NCOR2: variants seen among roughly 807,000 people sequenced by gnomAD.
The protein encoded by NCOR2 is nuclear receptor corepressor 2, also known as CTG repeat protein 26.
A neutral mutation model predicts 262.9 loss-of-function variants in NCOR2; 81 were observed. The observed-to-expected ratio is 0.31, with a 90% confidence interval of 0.26 to 0.37. NCOR2 has a LOEUF of 0.37. NCOR2 is among the 10% of genes least tolerant of loss of function. NCOR2 has a pLI of 1.00. For synonymous variants in NCOR2, 1,659 were observed against 1,559.3 expected, an observed-to-expected ratio of 1.06 and a Z score of -1.51; for missense variants, 3,385 against 3,621.4, an observed-to-expected ratio of 0.93 and a Z score of 1.68.
At position 124,432,225 on chromosome 12, in the gene NCOR2, G is replaced by GAC. The variant is rs966930492; in HGVS notation, c.883-1440_883-1439dup. Among the ~76,000 whole-genome samples the GAC allele has an allele frequency of 6.6e-6, 1 of 151,870 alleles. No homozygotes were observed. The highest frequency in any genetic ancestry group is 1.5e-5 in the Non-Finnish European group (1 of 67,970). On this transcript the variant is annotated intron_variant, in intron 8 of 46. Transcript: ENST00000405201. This position sits in a 1 kb window ranked among gnomAD's most constrained non-coding sequence, Gnocchi z 5.1. ...GAGTCACACATGTAGACACACAACA[G>GAC]ACACACACACATCACACAGGCAGAC...
chr12:124,432,614 C>T lies in NCOR2; in HGVS notation c.883-1827G>A, dbSNP rs1463101183. Among the ~76,000 whole-genome samples the T allele has an allele frequency of 2.6e-5, 4 of 152,164 alleles. No homozygotes were observed. On this transcript the variant is annotated intron_variant, in intron 8 of 46. Transcript: ENST00000405201. This position sits in a 1 kb window ranked among gnomAD's most constrained non-coding sequence, Gnocchi z 5.1. ...CGGGCCCGTCAGCCCTGGGGAGGGG[C>T]AGCCGCCAGAGAAAACCACATTCCA...
intron 16 of NCOR2, among the ~76,000 whole-genome samples, chr12:124,390,057 G>T (rs2041179947): frequency 6.6e-6 from 1 of 152,140 alleles, no homozygotes; most frequent in Admixed American, 6.5e-5. Flanking sequence ...GAATGTCCCT[G>T]CACCCCCAGC....
chr12:124,365,541 G>A (rs1282631763), intron 20 of NCOR2, among the ~76,000 whole-genome samples: 1 of 152,208 alleles, frequency 6.6e-6, no homozygotes, highest in African/African-American at 2.4e-5. Flanking sequence ...TGACCGGCCT[G>A]TTCTGCAGGT....
intron 1 of NCOR2, among the ~76,000 whole-genome samples, chr12:124,554,577 G>A (rs1422178061): frequency 2.0e-5 from 3 of 152,238 alleles, no homozygotes; most frequent in African/African-American, 7.2e-5. Flanking sequence ...ACAGCACCGC[G>A]AGCACAGAGG....
At chr12:124,564,348 G>A (rs1399198302) in intron 1 of NCOR2, among the ~76,000 whole-genome samples, 1 of 152,146 alleles carries the variant, frequency 6.6e-6, no homozygotes, top group Non-Finnish European at 1.5e-5. Flanking sequence ...CAAGCTTGGG[G>A]CCCTCCTTGC....
chr12:124,418,859 G>A (rs1402213840), intron 13 of NCOR2, among the ~76,000 whole-genome samples: 2 of 152,212 alleles, frequency 1.3e-5, no homozygotes, highest in Non-Finnish European at 2.9e-5. Context: ...GGGATGCCAG[G>A]CACGTAGTGC....
At chr12:124,350,604 T>G (rs1260699909) in exon 28 of NCOR2, 2 of 1,613,820 alleles carry the variant, frequency 1.2e-6, no homozygotes, top group Non-Finnish European at 1.7e-6. Context: ...GGACAAGACG[T>G]GGCCCTTCTT....
At chr12:124,385,184 T>A (rs116962897) in intron 17 of NCOR2, among the ~76,000 whole-genome samples, 1 of 152,268 alleles carries the variant, frequency 6.6e-6, no homozygotes, top group East Asian at 1.9e-4. Context: ...AGCCTGCACC[T>A]TCTGTGCTTG....
At chr12:124,363,501 T>TA (rs966814867) in intron 21 of NCOR2, among the ~76,000 whole-genome samples, 178 bp downstream of exon 23, 19 of 152,364 alleles carry the variant, frequency 1.2e-4, no homozygotes, top group African/African-American at 3.8e-4. Flanking sequence ...CCCCACCCGG[T>TA]ACGCCTGCCA....
intron 6 of NCOR2, 131 bp from the exon 9 acceptor site, chr12:124,449,998 T>C (rs953112569): frequency 7.9e-5 from 71 of 893,168 alleles, no homozygotes; most frequent in Non-Finnish European, 1.1e-4. Context: ...CAGGCAGGCA[T>C]GAAACAGAAC....
chr12:124,430,488 C>G, intron 9 of NCOR2, 127 bp downstream of exon 11: 1 of 1,161,736 alleles, frequency 8.6e-7, no homozygotes, highest in Non-Finnish European at 1.2e-6. Flanking sequence ...TCTGGTAGGG[C>G]CCTGGCCACT....
Position 124,501,062 on chromosome 12 carries a change from G to GCACGCACA in NCOR2, c.-117-5695_-117-5694insTGTGCGTG, listed in dbSNP as rs1164232439. Reference sequence around the variant, plus strand: ...ACGGCACGAGCGCGCGCGCACGCGCGCACACACACACACACACACACACAC... The same window carrying GCACGCACA: ...ACGGCACGAGCGCGCGCGCACGCGCGCACGCACACACACACACACACACACACACACAC... On this transcript the variant is annotated intron_variant, in intron 1 of 46. Coordinates refer to the NCOR2 transcript ENST00000404621. Among the ~76,000 whole-genome samples, 441 of 147,880 alleles carry GCACGCACA rather than the reference G, an allele frequency of 3.0e-3. 1 individual carries two copies. The highest frequency in any genetic ancestry group is 7.6e-3 in the African/African-American group (302 of 39,614).
chr12:124,473,082 G>T (rs369337188), exon 4 of NCOR2: 2 of 1,613,490 alleles, frequency 1.2e-6, no homozygotes, highest in East Asian at 4.5e-5. Context: ...GTCAGTGTGC[G>T]GGGGGCTGGG....
chr12:124,476,688 G>A (rs944610613), intron 3 of NCOR2, among the ~76,000 whole-genome samples: 5 of 152,224 alleles, frequency 3.3e-5, no homozygotes, highest in East Asian at 1.9e-4. Context: ...GATAAAAGCC[G>A]TTGTCTTTAA....
At chr12:124,543,886 GC>G (rs2051458878) in intron 1 of NCOR2, among the ~76,000 whole-genome samples, 1 of 152,224 alleles carries the variant, frequency 6.6e-6, no homozygotes, top group African/African-American at 2.4e-5. Context: ...GCCCCTCGGT[GC>G]CTGAAGCTCA....
At chr12:124,510,848 G>A (rs11608551) in intron 1 of NCOR2, among the ~76,000 whole-genome samples, 7,721 of 152,226 alleles carry the variant, frequency 0.051, 246 homozygotes, top group South Asian at 0.12. Context: ...CCCGGGCCCA[G>A]GAGGAGACGA....
intron 5 of NCOR2, among the ~76,000 whole-genome samples, chr12:124,464,535 T>C (rs755182476): frequency 1.2e-4 from 18 of 152,188 alleles, no homozygotes; most frequent in Non-Finnish European, 1.3e-4. Context: ...ATGAGCAAAA[T>C]TGAGAGAATA....
rs142372718 is a variant in NCOR2, at chr12:124,384,042, G to C, written c.2019+1703C>G. Among the ~76,000 whole-genome samples the C allele has an allele frequency of 9.1e-4, 138 of 151,986 alleles. 1 individual carries two copies. In the East Asian group the frequency reaches 0.025, roughly 27 times the overall value. ...GGCGGAGGGAGCCCCAGAGAGGGGA[G>C]GCGGGGGGAGGAGAGAGAAAGTGAA... On this transcript the variant is annotated intron_variant, in intron 17 of 46. Coordinates refer to ENST00000405201, the Ensembl canonical transcript of NCOR2.
chr12:124,522,487 A>C (rs1359092977), intron 1 of NCOR2, among the ~76,000 whole-genome samples: 1 of 152,044 alleles, frequency 6.6e-6, no homozygotes, highest in Non-Finnish European at 1.5e-5. Context: ...CTTCACGTGG[A>C]CTTCTCTGCT....
Sources: gnomAD v4.1 joint callset for allele counts (sites outside exome capture counted in the v4.1 genomes callset) on GRCh38, gnomAD v4.1.1 for gene constraint, Gnocchi (gnomAD v3.1) non-coding constraint, MANE v1.5 for transcripts, NCBI Gene and HGNC (gene_info 2026-07-23, HGNC 2026-07-21) for gene names.